NRXN1: variants seen among roughly 807,000 people sequenced by gnomAD.
NRXN1 encodes the protein neurexin 1, also known as neurexin-1.
Under a neutral mutation model 150.9 loss-of-function variants are expected in NRXN1, and 39 were observed. The observed-to-expected ratio is 0.26, with a 90% CI of 0.20 to 0.34. The LOEUF (loss-of-function observed/expected upper bound fraction) is 0.34. Ranked by LOEUF, NRXN1 falls within the 10% of genes least tolerant of loss-of-function variation. NRXN1 has a pLI of 1.00. For synonymous variants in NRXN1, 924 were observed against 757.0 expected (o/e 1.22, Z -3.62); for missense variants, 1,815 against 1,949.9 (o/e 0.93, Z 1.30).
At chr2:50,946,649 C>A (rs1690441285) in intron 2 of NRXN1, among the ~76,000 whole-genome samples, 1 of 152,042 alleles carries the variant, frequency 6.6e-6, no homozygotes, top group African/African-American at 2.4e-5. Context: ...TACTTATAAA[C>A]AATTTTATGG....
intron 21 of NRXN1, among the ~76,000 whole-genome samples, chr2:50,001,200 T>C (rs1683857865): frequency 6.6e-6 from 1 of 152,118 alleles, no homozygotes; most frequent in Non-Finnish European, 1.5e-5. Context: ...TCAGTGTCCT[T>C]ATCACAAACT....
rs144355916 is a variant in NRXN1, at chr2:50,385,837, A to C, written c.3364+79605T>G. On this transcript the variant is annotated intron_variant, in intron 17 of 22. Coordinates refer to ENST00000401669, the MANE Select transcript of NRXN1 (RefSeq NM_001330078.2). ...GAATGACCTCAAAATAAAAAACGTC[A>C]ACCTTAAGGTAAGTAAAGTTCAGAA... Among the ~76,000 whole-genome samples the C allele has an allele frequency of 1.6e-3, 243 of 152,274 alleles. 4 individuals carry two copies. In the East Asian group the frequency reaches 0.041, roughly 26 times the overall value.
At chr2:50,507,723 G>C (rs1174823348) in intron 12 of NRXN1, among the ~76,000 whole-genome samples, 1 of 148,692 alleles carries the variant, frequency 6.7e-6, no homozygotes, top group Non-Finnish European at 1.5e-5. Context: ...CTACTAATCT[G>C]ACATTATGAG....
chr2:50,790,704 G>T (rs993096024), intron 5 of NRXN1, among the ~76,000 whole-genome samples: 1 of 152,046 alleles, frequency 6.6e-6, no homozygotes, highest in African/African-American at 2.4e-5. Flanking sequence ...TCAAATTTTT[G>T]GTTTTTTTGG....
At chr2:50,912,714 G>C (rs997557910) in intron 5 of NRXN1, among the ~76,000 whole-genome samples, 5 of 147,690 alleles carry the variant, frequency 3.4e-5, no homozygotes, top group African/African-American at 1.3e-4. Context: ...TTTGATTAAA[G>C]AATGGTTCTC....
intron 9 of NRXN1, among the ~76,000 whole-genome samples, chr2:50,543,746 CT>C: frequency 6.6e-6 from 1 of 152,054 alleles, no homozygotes; most frequent in Non-Finnish European, 1.5e-5. Flanking sequence ...TTTTTATTGT[CT>C]GTTCTACTTC....
chr2:50,932,478 A>G (rs1031606035), intron 2 of NRXN1, among the ~76,000 whole-genome samples: 1 of 152,086 alleles, frequency 6.6e-6, no homozygotes, highest in Non-Finnish European at 1.5e-5. Context: ...TGGAGCATTT[A>G]GGCCATTGAC....
At chr2:50,654,790 G>T (rs1264552357) in intron 5 of NRXN1, among the ~76,000 whole-genome samples, 1 of 151,972 alleles carries the variant, frequency 6.6e-6, no homozygotes, top group Non-Finnish European at 1.5e-5. Context: ...GTGATGATGA[G>T]CATTTTCTCA....
In NRXN1 at chr2:50,882,986, A is replaced by C. The variant is rs78601189; in HGVS notation, c.832+38883T>G. 9.9e-3 allele frequency among the ~76,000 whole-genome samples: 1,500 copies of C among 151,980 alleles called. 18 individuals are homozygous for C. The highest frequency in any genetic ancestry group is 0.034 in the African/African-American group (1,425 of 41,538). On this transcript the variant is annotated intron_variant, in intron 5 of 22. Transcript: ENST00000401669. ...CTGACATACATATTTGGTAACAGAC[A>C]ACTGTCATAGTAGCGAATGTTAACA...
chr2:50,006,771 A>G (rs1684836882), intron 21 of NRXN1, among the ~76,000 whole-genome samples: 2 of 152,142 alleles, frequency 1.3e-5, no homozygotes, highest in Non-Finnish European at 2.9e-5. Context: ...ATTGCATACA[A>G]AACTGTGCTT....
chr2:50,687,956 C>A (rs535727035), intron 5 of NRXN1, among the ~76,000 whole-genome samples: 1 of 152,258 alleles, frequency 6.6e-6, no homozygotes, highest in Non-Finnish European at 1.5e-5. Flanking sequence ...TCCTCTTCTT[C>A]ATATCGAGAT....
chr2:50,506,366 A>C lies in NRXN1; in HGVS notation c.2497+129T>G, dbSNP rs906417804. The C allele has an allele frequency of 8.3e-5, 64 of 772,958 alleles. No homozygotes were observed. The African/African-American group carries it at 1.1e-3, about 13-fold the overall frequency. 47.9% of individuals were successfully genotyped at this position (772,958 alleles called of 1,614,324 possible). On this transcript the variant is annotated intron_variant, in intron 13 of 22. Coordinates refer to ENST00000401669, the MANE Select transcript of NRXN1 (RefSeq NM_001330078.2). ...TTTAATAAAATAGTTACTAGAAAAAAATAGAATAAAAATGGATTGTGTGAA... is the reference window on the plus strand; with the variant it reads ...TTTAATAAAATAGTTACTAGAAAAACATAGAATAAAAATGGATTGTGTGAA...
chr2:50,120,383 C>T (rs968963200), intron 18 of NRXN1, among the ~76,000 whole-genome samples: 1 of 151,938 alleles, frequency 6.6e-6, no homozygotes, highest in Non-Finnish European at 1.5e-5. Context: ...TATTCTCAGG[C>T]AAAAAGTAGA....
intron 5 of NRXN1, among the ~76,000 whole-genome samples, chr2:50,751,806 T>C (rs530942031): frequency 1.3e-5 from 2 of 151,954 alleles, no homozygotes. Flanking sequence ...ACTTGGAATA[T>C]GACTCACTTA....
chr2:50,432,643 G>T (rs540910143), intron 17 of NRXN1, among the ~76,000 whole-genome samples: 9 of 152,164 alleles, frequency 5.9e-5, no homozygotes, highest in Admixed American at 5.9e-4. Context: ...TGAGACAGGA[G>T]AGTTTTTATC....
chr2:50,851,128 C>T (rs180899868), intron 5 of NRXN1, among the ~76,000 whole-genome samples: 1 of 152,102 alleles, frequency 6.6e-6, no homozygotes, highest in East Asian at 1.9e-4. Context: ...AAAATACATG[C>T]AATGAATAAT....
intron 17 of NRXN1, among the ~76,000 whole-genome samples, chr2:50,440,117 C>T (rs927197019): frequency 1.3e-5 from 2 of 152,044 alleles, no homozygotes; most frequent in Admixed American, 6.6e-5. Context: ...CCGTTGGAAG[C>T]AAGGATAGCA....
chr2:50,968,378 A>T (rs1197474520), intron 2 of NRXN1, among the ~76,000 whole-genome samples: 1 of 152,114 alleles, frequency 6.6e-6, no homozygotes, highest in African/African-American at 2.4e-5. Flanking sequence ...AATATCAGCC[A>T]TTAATAACTG....
rs113689148 is a variant in NRXN1, at chr2:50,216,274, T to C, written c.3546+20515A>G. ...ACTTCAGTGTCAAATGAGTTAATTA[T>C]CTCAAATGTTTATAAACATCTTAAT... On this transcript the variant is annotated intron_variant, in intron 18 of 22. Coordinates refer to ENST00000401669, the MANE Select transcript of NRXN1 (RefSeq NM_001330078.2). 7.4e-4 allele frequency among the ~76,000 whole-genome samples: 112 copies of C among 152,142 alleles called. 2 individuals carry two copies. The highest frequency in any genetic ancestry group is 2.7e-3 in the African/African-American group (111 of 41,542).
Sources: gnomAD v4.1 joint callset for allele counts (sites outside exome capture counted in the v4.1 genomes callset) on GRCh38, gnomAD v4.1.1 for gene constraint, MANE v1.5 for transcripts, NCBI Gene and HGNC (gene_info 2026-07-23, HGNC 2026-07-21) for gene names.